The following NDUFAF6 variants were observed in gnomAD, a reference collection of about 807,000 sequenced individuals.
The protein encoded by NDUFAF6 is NADH:ubiquinone oxidoreductase complex assembly factor 6, also known as NADH dehydrogenase (ubiquinone) complex I, assembly factor 6.
Under a neutral mutation model 40.8 loss-of-function variants are expected in NDUFAF6, and 45 were observed. The ratio of observed to expected loss-of-function variants is 1.10; its 90% CI spans 0.87 to 1.42. The LOEUF (loss-of-function observed/expected upper bound fraction) is 1.42, where lower values mean the gene tolerates loss of function less well. Ranked by LOEUF, NDUFAF6 falls within the 40% of genes most tolerant of loss-of-function variation. The pLI, the probability that NDUFAF6 is intolerant of heterozygous loss-of-function variation, is 0.00. For synonymous variants in NDUFAF6, 185 were observed against 155.9 expected (o/e 1.19, Z -1.39); for missense variants, 435 against 418.5 (o/e 1.04, Z -0.34).
chr8:94,979,070 T>C (rs1825197138), intron 1 of NDUFAF6, among the ~76,000 whole-genome samples: 1 of 152,192 alleles, frequency 6.6e-6, no homozygotes, highest in African/African-American at 2.4e-5. Context: ...AAACAGTGTT[T>C]GTTTCCTGTT....
chr8:95,025,525 C>T (rs980101623), intron 1 of NDUFAF6, among the ~76,000 whole-genome samples: 2 of 152,192 alleles, frequency 1.3e-5, no homozygotes, highest in African/African-American at 2.4e-5. Flanking sequence ...TTAGTTTTAA[C>T]CACAACGGTA....
chr8:95,070,562 TTCTAAAAATGAGTG>T, intron 9 of NDUFAF6, among the ~76,000 whole-genome samples: 1 of 152,344 alleles, frequency 6.6e-6, no homozygotes, highest in African/African-American at 2.4e-5. Flanking sequence ...GAGAATGAGC[TTCTAAAAATGAGTG>T]TTGAGTTTCT....
intron 2 of NDUFAF6, among the ~76,000 whole-genome samples, chr8:94,985,515 ATTTTTTTTTTTTTTTT>A (rs1200345448): frequency 2.3e-3 from 15 of 6,548 alleles, no homozygotes; most frequent in Non-Finnish European, 2.9e-3. Context: ...ATATATATAT[ATTTTTTTTTTTTTTTT>A]TTTTTTTTTT....
At chr8:94,930,651 T>G in intron 1 of NDUFAF6, 3 of 1,614,210 alleles carry the variant, frequency 1.9e-6, no homozygotes, top group Non-Finnish European at 2.5e-6. Context: ...CTTGGGTTGT[T>G]CCAGAAAAGT....
downstream of NDUFAF6, among the ~76,000 whole-genome samples, chr8:95,117,430 C>T (rs1020327169): frequency 1.3e-5 from 2 of 152,168 alleles, no homozygotes; most frequent in African/African-American, 4.8e-5. Context: ...TATTTAATAT[C>T]CAATAATCTT....
chr8:94,938,973 G>A (rs148256322), intron 1 of NDUFAF6, among the ~76,000 whole-genome samples: 62 of 152,282 alleles, frequency 4.1e-4, no homozygotes, highest in Non-Finnish European at 7.4e-4. Flanking sequence ...ATGCCATCTC[G>A]AGGTAGACAG....
chr8:94,903,091 T>TG (rs1818133073), intron 1 of NDUFAF6, among the ~76,000 whole-genome samples: 1 of 152,230 alleles, frequency 6.6e-6, no homozygotes, highest in Admixed American at 6.5e-5. Flanking sequence ...TAATAGGGGC[T>TG]GGGTGCAGTG....
rs773751264 is a variant in NDUFAF6 at position 95,035,444 on chromosome 8, C to A, written c.298-10C>A. The A allele has an allele frequency of 4.3e-6, 7 of 1,613,080 alleles. No homozygotes were observed. The highest frequency in any genetic ancestry group is 3.3e-5 in the South Asian group (3 of 90,962). ...ATGCATTTGCTAAAGTTTTTAAACC[C>A]TGTTTATAGGTTAAAGACTCAGTCT... On this transcript the variant is annotated splice_polypyrimidine_tract_variant and intron_variant, in intron 2 of 8. Transcript: ENST00000396124.
At chr8:94,974,434 T>C (rs1418281780) in intron 1 of NDUFAF6, 2 of 152,060 alleles carry the variant, frequency 1.3e-5, no homozygotes, top group East Asian at 1.9e-4. Context: ...CATTTTCCAA[T>C]CTCTTCTCTT....
At chr8:94,957,888 A>G (rs886866225), upstream of NDUFAF6, 7 of 152,230 alleles carry the variant, frequency 4.6e-5, no homozygotes, top group Admixed American at 2.0e-4. Context: ...TACAAACTGC[A>G]TGCTTTTTAC....
At chr8:95,054,762 A>T (rs373172932) in intron 8 of NDUFAF6, among the ~76,000 whole-genome samples, 1 of 152,138 alleles carries the variant, frequency 6.6e-6, no homozygotes, top group Non-Finnish European at 1.5e-5. Context: ...TCCTGTGCCA[A>T]GAGAGACTAG....
intron 9 of NDUFAF6, among the ~76,000 whole-genome samples, chr8:95,073,745 G>A (rs2132039866): frequency 6.6e-6 from 1 of 152,306 alleles, no homozygotes; most frequent in African/African-American, 2.4e-5. Flanking sequence ...GTCCACCCAA[G>A]GAATGCAGTC....
chr8:94,945,206 C>T (rs1311591689), intron 1 of NDUFAF6, among the ~76,000 whole-genome samples: 2 of 152,086 alleles, frequency 1.3e-5, no homozygotes, highest in Middle Eastern at 3.2e-3. Context: ...ATAAATTTTA[C>T]GAAGTCTAAA....
intron 4 of NDUFAF6, among the ~76,000 whole-genome samples, chr8:95,113,202 T>A (rs1299242144): frequency 6.6e-6 from 1 of 152,090 alleles, no homozygotes. Flanking sequence ...GTGGGGAGTG[T>A]GAGGAAAATC....
intron 3 of NDUFAF6, among the ~76,000 whole-genome samples, chr8:95,039,485 C>A (rs1321334550): frequency 6.6e-6 from 1 of 151,748 alleles, no homozygotes; most frequent in Non-Finnish European, 1.5e-5. Flanking sequence ...ACTGTGTTGC[C>A]CAGGCTGGTC....
At chr8:94,923,216 G>C (rs1277696643) in intron 1 of NDUFAF6, among the ~76,000 whole-genome samples, 1 of 152,206 alleles carries the variant, frequency 6.6e-6, no homozygotes, top group Non-Finnish European at 1.5e-5. Context: ...AGCAGGTAAG[G>C]TGTGAGAAAA....
intron 1 of NDUFAF6, among the ~76,000 whole-genome samples, chr8:94,967,802 G>A (rs965859581): frequency 2.0e-5 from 3 of 152,206 alleles, no homozygotes; most frequent in Middle Eastern, 3.4e-3. Flanking sequence ...TTAGCCAGGC[G>A]TGGTGGCATG....
At chr8:94,910,623 G>A (rs1257072427) in intron 1 of NDUFAF6, among the ~76,000 whole-genome samples, 2 of 152,178 alleles carry the variant, frequency 1.3e-5, no homozygotes, top group South Asian at 2.1e-4. Flanking sequence ...TAGGACTGTC[G>A]GGAAGATGGA....
chr8:94,967,291 G>A (rs1175417264), intron 1 of NDUFAF6, among the ~76,000 whole-genome samples: 3 of 152,200 alleles, frequency 2.0e-5, no homozygotes, highest in Admixed American at 6.5e-5. Context: ...ATGCCCCTCT[G>A]TGTTGGCCTT....
Sources: allele counts gnomAD v4.1 joint callset (sites outside exome capture counted in the v4.1 genomes callset), GRCh38; gene constraint gnomAD v4.1.1; transcripts MANE v1.5; gene names NCBI Gene and HGNC (gene_info 2026-07-23, HGNC 2026-07-21).